RORB: variants seen among roughly 807,000 people sequenced by gnomAD.
RORB encodes the protein RAR related orphan receptor B.
Under a neutral mutation model 59.1 loss-of-function variants are expected in RORB, and 6 were observed. The ratio of observed to expected loss-of-function variants is 0.10; its 90% CI spans 0.06 to 0.20. The LOEUF is 0.20. RORB is among the 10% of genes least tolerant of loss of function. The pLI is 1.00. For synonymous variants in RORB, 215 were observed against 204.5 expected, an observed-to-expected ratio of 1.05 and a Z score of -0.44; for missense variants, 320 against 560.5, an observed-to-expected ratio of 0.57 and a Z score of 4.33.
At chr9:74,529,527 A>G (rs1208636095) in intron 1 of RORB, among the ~76,000 whole-genome samples, 1 of 151,822 alleles carries the variant, frequency 6.6e-6, no homozygotes, top group Admixed American at 6.6e-5. Context: ...GGGCATAATA[A>G]TAGTACTTGG....
intron 1 of RORB, among the ~76,000 whole-genome samples, chr9:74,581,020 T>A (rs538463186): frequency 1.3e-5 from 2 of 152,268 alleles, no homozygotes; most frequent in South Asian, 4.1e-4. Context: ...GTCCAATTTC[T>A]TCCCTCTACA....
At chr9:74,668,112 A>G (rs1018370357) in intron 8 of RORB, among the ~76,000 whole-genome samples, 5 of 152,220 alleles carry the variant, frequency 3.3e-5, no homozygotes, top group Non-Finnish European at 5.9e-5. Context: ...AGAGTAGAGC[A>G]TAGGTTAGGG....
At chr9:74,517,139 A>C (rs1205250389) in intron 1 of RORB, among the ~76,000 whole-genome samples, 1 of 151,974 alleles carries the variant, frequency 6.6e-6, no homozygotes, top group African/African-American at 2.4e-5. Flanking sequence ...AAAACTCAAA[A>C]TTTCATCTGA....
At chr9:74,568,534 T>C (rs1393573118) in intron 1 of RORB, among the ~76,000 whole-genome samples, 1 of 151,844 alleles carries the variant, frequency 6.6e-6, no homozygotes, top group African/African-American at 2.4e-5. Flanking sequence ...ACCCCGTCTC[T>C]ACTAAAAATA....
chr9:74,668,093 C>T (rs1465518307), intron 8 of RORB, among the ~76,000 whole-genome samples, 192 bp downstream of exon 8: 1 of 151,960 alleles, frequency 6.6e-6, no homozygotes, highest in Non-Finnish European at 1.5e-5. Flanking sequence ...CAATTTTGGC[C>T]CGAAAGCAAG....
At chr9:74,617,967 A>AG (rs1823340534) in intron 1 of RORB, among the ~76,000 whole-genome samples, 1 of 152,200 alleles carries the variant, frequency 6.6e-6, no homozygotes, top group Admixed American at 6.5e-5. Flanking sequence ...TTATTTCAAG[A>AG]TTCAATTCTG....
intron 3 of RORB, among the ~76,000 whole-genome samples, chr9:74,636,066 G>C (rs1214978920): frequency 1.4e-5 from 2 of 139,838 alleles, no homozygotes; most frequent in African/African-American, 2.6e-5. Flanking sequence ...ATTTTTTTTT[G>C]TTTTACTTGT....
chr9:74,605,232 T>C (rs1823130461), intron 1 of RORB, among the ~76,000 whole-genome samples: 1 of 152,190 alleles, frequency 6.6e-6, no homozygotes, highest in East Asian at 1.9e-4. Context: ...CTAATGTCTA[T>C]GATTAAAAGG....
At chr9:74,632,816 C>T (rs1823640824) in intron 2 of RORB, among the ~76,000 whole-genome samples, 1 of 152,128 alleles carries the variant, frequency 6.6e-6, no homozygotes. Flanking sequence ...GTTATGCTTC[C>T]TGACAGTTTT....
At chr9:74,579,827 G>A (rs1822694717) in intron 1 of RORB, among the ~76,000 whole-genome samples, 1 of 152,162 alleles carries the variant, frequency 6.6e-6, no homozygotes, top group African/African-American at 2.4e-5. Context: ...ACAGAACATT[G>A]CGAGAGCAAG....
rs1825731853 is a variant in RORB at position 74,497,695 on chromosome 9, A to C, written c.-282A>C. 2 of 502,960 alleles carry C rather than the reference A, an allele frequency of 4.0e-6. No homozygotes were observed. The allele number at this position is 502,960 out of a possible 1,614,324, so 31.2% of individuals were successfully genotyped here. ...AACAAAACCAAAACAAAACCCAGGC[A>C]CCAGACAGCCAGAACATTTTTTTTT... On this transcript the variant is annotated 5_prime_UTR_variant, in exon 1 of 10. Transcript: ENST00000376896.
At position 74,534,716 on chromosome 9, in the gene RORB, C is replaced by T. The variant is rs535183028; in HGVS notation, c.7+36733C>T. On this transcript the variant is annotated intron_variant, in intron 1 of 9. Coordinates refer to ENST00000376896, the MANE Select transcript of RORB (RefSeq NM_006914.4). ...TGCAATGCCTAAGAAAAGATGCTGACGTTGCTGCTGCACCCCCTATGGTGG... is the reference window on the plus strand; with the variant it reads ...TGCAATGCCTAAGAAAAGATGCTGATGTTGCTGCTGCACCCCCTATGGTGG... Among the ~76,000 whole-genome samples, 5 of 152,078 alleles carry T rather than the reference C, an allele frequency of 3.3e-5. No individual in the cohort carries two copies. The East Asian group carries it at 5.8e-4, about 18-fold the overall frequency.
intron 1 of RORB, among the ~76,000 whole-genome samples, chr9:74,626,740 A>G (rs892731044): frequency 6.6e-5 from 10 of 152,244 alleles, no homozygotes; most frequent in African/African-American, 2.4e-4. Context: ...ATTCACTGCA[A>G]GACAATTCCA....
intron 1 of RORB, among the ~76,000 whole-genome samples, chr9:74,585,201 C>T (rs1822780317): frequency 6.6e-6 from 1 of 152,286 alleles, no homozygotes; most frequent in South Asian, 2.1e-4. Flanking sequence ...AATTGTTAAT[C>T]CTCCCCATCA....
At chr9:74,526,102 T>C (rs1469333933) in intron 1 of RORB, among the ~76,000 whole-genome samples, 3 of 152,042 alleles carry the variant, frequency 2.0e-5, no homozygotes, top group South Asian at 2.1e-4. Context: ...ATCACTCAAG[T>C]TGTAGTAGGC....
rs977262683 is a variant in RORB at position 74,549,407 on chromosome 9, G to T, written c.7+51424G>T. Among the ~76,000 whole-genome samples, 56 of 142,456 alleles carry T rather than the reference G, an allele frequency of 3.9e-4. 1 individual carries two copies. Among genetic ancestry groups the T allele is most frequent in the Admixed American group, 1.5e-3 (21 of 13,736 alleles). 93.5% of individuals were successfully genotyped at this position (142,456 alleles called of 152,430 possible). A position where few individuals can be genotyped will look rare whatever the true frequency, so the allele number is the denominator to read the frequency against. ...TGCAGTGAGCCGAGGTCGCATCACC[G>T]CACTCCAGCCTGGGCAACAGAGCAA... On this transcript the variant is annotated intron_variant, in intron 1 of 9. Coordinates refer to ENST00000376896, the MANE Select transcript of RORB (RefSeq NM_006914.4).
chr9:74,665,816 G>A (rs1164477531), intron 7 of RORB, among the ~76,000 whole-genome samples: 1 of 152,214 alleles, frequency 6.6e-6, no homozygotes, highest in African/African-American at 2.4e-5. Flanking sequence ...GGACCCTCCT[G>A]AGAACAACCC....
chr9:74,524,890 C>A (rs1488156818), intron 1 of RORB, among the ~76,000 whole-genome samples: 1 of 151,582 alleles, frequency 6.6e-6, no homozygotes, highest in Admixed American at 6.6e-5. Context: ...TTCCTAATAC[C>A]TAATATTTCA....
At chr9:74,646,080 A>G (rs756997296) in intron 4 of RORB, among the ~76,000 whole-genome samples, 1 of 151,964 alleles carries the variant, frequency 6.6e-6, no homozygotes, top group Non-Finnish European at 1.5e-5. Flanking sequence ...AAAACAGAAA[A>G]TCAGATTTTG....
Sources: gnomAD v4.1 joint callset for allele counts (sites outside exome capture counted in the v4.1 genomes callset) on GRCh38, gnomAD v4.1.1 for gene constraint, MANE v1.5 for transcripts, NCBI Gene and HGNC (gene_info 2026-07-23, HGNC 2026-07-21) for gene names.